Variants in NPAS2 observed in about 807,000 individuals in gnomAD.
The protein encoded by NPAS2 is neuronal PAS domain protein 2.
A neutral mutation model predicts 107.5 loss-of-function variants in NPAS2; 23 were observed. That is an observed-to-expected ratio of 0.21 (90% confidence interval 0.15 to 0.30). The LOEUF (loss-of-function observed/expected upper bound fraction) is 0.30. Ranked by LOEUF, NPAS2 falls within the 10% of genes least tolerant of loss-of-function variation. The probability of loss-of-function intolerance (pLI) is 1.00; values close to 1 mark genes in which losing one functional copy is unlikely to be tolerated. For synonymous variants in NPAS2, 403 were observed against 417.5 expected (o/e 0.97, Z 0.42); for missense variants, 756 against 1,043.3 (o/e 0.72, Z 3.79).
intron 3 of NPAS2, among the ~76,000 whole-genome samples, chr2:100,930,249 G>A (rs891392603): frequency 1.3e-5 from 2 of 152,148 alleles, no homozygotes; most frequent in African/African-American, 4.8e-5. Context: ...CTTCATGGAT[G>A]GAAGATGAGG....
At chr2:100,932,310 G>A (rs1348342195) in intron 3 of NPAS2, among the ~76,000 whole-genome samples, 2 of 152,176 alleles carry the variant, frequency 1.3e-5, no homozygotes, top group African/African-American at 2.4e-5. Context: ...TCAGTACAAG[G>A]CAGTTCTGTG....
At chr2:100,888,074 C>T (rs1483369020) in intron 1 of NPAS2, among the ~76,000 whole-genome samples, 5 of 152,164 alleles carry the variant, frequency 3.3e-5, no homozygotes, top group Non-Finnish European at 5.9e-5. Context: ...CCCAGGATGG[C>T]TTGAGTCCAG....
intron 15 of NPAS2, among the ~76,000 whole-genome samples, chr2:100,981,349 T>C (rs969316481): frequency 1.3e-5 from 2 of 152,176 alleles, no homozygotes; most frequent in African/African-American, 2.4e-5. Flanking sequence ...CAAACTCATT[T>C]GCCTCAAGAT....
intron 7 of NPAS2, among the ~76,000 whole-genome samples, chr2:100,958,146 T>A (rs1675693318): frequency 6.6e-6 from 1 of 152,188 alleles, no homozygotes; most frequent in South Asian, 2.1e-4. Flanking sequence ...ACTCTGGGCT[T>A]TCCAGAAACC....
intron 5 of NPAS2, among the ~76,000 whole-genome samples, chr2:100,939,205 C>T (rs1049025367): frequency 1.3e-5 from 2 of 152,146 alleles, no homozygotes; most frequent in African/African-American, 2.4e-5. Flanking sequence ...AGATCGAAGC[C>T]GCTGCCTACA....
chr2:100,968,443 C>T lies in NPAS2; in HGVS notation c.1055+15C>T, dbSNP rs1475778617. 1 of 1,611,518 alleles carries T rather than the reference C, an allele frequency of 6.2e-7. No homozygotes were observed. ...TCGGTGGTCAGGTACCGCGCACGGG[C>T]AGGGGTGCGGCTGCGTCCTTGTCGC... On this transcript the variant is annotated intron_variant, in intron 11 of 20. Transcript: ENST00000335681. This position sits in a 1 kb window ranked among gnomAD's most constrained non-coding sequence, Gnocchi z 5.3.
intron 7 of NPAS2, among the ~76,000 whole-genome samples, chr2:100,957,703 G>A (rs1193371968): frequency 6.6e-6 from 1 of 151,918 alleles, no homozygotes; most frequent in Non-Finnish European, 1.5e-5. Context: ...GAGGCGGGCG[G>A]ATCACGATGT....
rs1051614550 is a variant in NPAS2, at chr2:100,970,424, G to A, written c.1056-566G>A. ...CTCTTGCCCCAGGGTCTCCACACTC[G>A]GGGCAGAGGCACTGTAGGGTCAGCT... On this transcript the variant is annotated intron_variant, in intron 11 of 20. Transcript: ENST00000335681. 2.6e-5 allele frequency among the ~76,000 whole-genome samples: 4 copies of A among 152,216 alleles called. No homozygotes were observed. The East Asian group carries it at 5.8e-4, about 22-fold the overall frequency.
At chr2:100,966,071 G>A (rs1676193544) in intron 10 of NPAS2, among the ~76,000 whole-genome samples, 1 of 151,892 alleles carries the variant, frequency 6.6e-6, no homozygotes, top group Non-Finnish European at 1.5e-5. Context: ...TTTAAGTTAT[G>A]CAATACATTT....
intron 1 of NPAS2, among the ~76,000 whole-genome samples, chr2:100,855,726 A>G (rs1279838913): frequency 6.6e-6 from 1 of 152,174 alleles, no homozygotes; most frequent in Non-Finnish European, 1.5e-5. Flanking sequence ...AGCCAGGCAT[A>G]GGGCCGAATT....
intron 7 of NPAS2, among the ~76,000 whole-genome samples, chr2:100,961,370 A>G (rs1675904242): frequency 6.6e-6 from 1 of 152,180 alleles, no homozygotes. Flanking sequence ...GTTTTCCCCA[A>G]GGTTTTCTCC....
chr2:100,981,640 T>G (rs1413053542), intron 15 of NPAS2, among the ~76,000 whole-genome samples: 3 of 152,018 alleles, frequency 2.0e-5, no homozygotes, highest in Non-Finnish European at 4.4e-5. Context: ...GTTTTGTTCG[T>G]TTTTTGCACA....
At chr2:100,895,125 C>G (rs1400381160) in intron 1 of NPAS2, among the ~76,000 whole-genome samples, 1 of 152,112 alleles carries the variant, frequency 6.6e-6, no homozygotes, top group African/African-American at 2.4e-5. Context: ...CACACATACA[C>G]ATTTTCAACA....
In NPAS2 at chr2:100,968,693, C is replaced by A. The variant is rs538139258; in HGVS notation, c.1055+265C>A. Among the ~76,000 whole-genome samples the A allele has an allele frequency of 6.6e-6, 1 of 152,150 alleles. No homozygotes were observed. The highest frequency in any genetic ancestry group is 2.4e-5 in the African/African-American group (1 of 41,414). On this transcript the variant is annotated intron_variant, in intron 11 of 20. Transcript: ENST00000335681. The surrounding 1 kb of genome is among the most constrained non-coding windows in gnomAD (Gnocchi z 5.3). ...CCCCTTTGAACGCCTCATGGACTCTCGCAGGCTGCCAGGATATTACTTAGT... is the reference window on the plus strand; with the variant it reads ...CCCCTTTGAACGCCTCATGGACTCTAGCAGGCTGCCAGGATATTACTTAGT...
intron 16 of NPAS2, chr2:100,982,580 G>A: frequency 1.6e-6 from 1 of 610,790 alleles, no homozygotes; most frequent in South Asian, 2.0e-5. Flanking sequence ...CCACACCCCT[G>A]ATGTCCTCTT....
chr2:100,887,471 G>A (rs1381232017), intron 1 of NPAS2, among the ~76,000 whole-genome samples: 3 of 152,188 alleles, frequency 2.0e-5, no homozygotes, highest in Admixed American at 1.3e-4. Flanking sequence ...GAGAGGTGAG[G>A]GGAGAGGACG....
chr2:100,827,579 A>G (rs1676465682), intron 1 of NPAS2, among the ~76,000 whole-genome samples: 1 of 152,126 alleles, frequency 6.6e-6, no homozygotes, highest in Non-Finnish European at 1.5e-5. Context: ...TGTTGTTGCC[A>G]TCTTTATGTC....
chr2:100,857,959 G>A (rs1313883586), intron 1 of NPAS2, among the ~76,000 whole-genome samples: 3 of 152,260 alleles, frequency 2.0e-5, no homozygotes, highest in Non-Finnish European at 4.4e-5. Context: ...CTGTAGGCAA[G>A]TTGGAAAACT....
intron 1 of NPAS2, among the ~76,000 whole-genome samples, chr2:100,831,755 C>T (rs1676753063): frequency 6.6e-6 from 1 of 152,080 alleles, no homozygotes; most frequent in Non-Finnish European, 1.5e-5. Context: ...ATCTTCTTTA[C>T]TTTCATTTGA....
Sources: allele counts gnomAD v4.1 joint callset (sites outside exome capture counted in the v4.1 genomes callset), GRCh38; gene constraint gnomAD v4.1.1; non-coding constraint Gnocchi (gnomAD v3.1); transcripts MANE v1.5; gene names NCBI Gene and HGNC (gene_info 2026-07-23, HGNC 2026-07-21).